KDM5A: variants seen among roughly 807,000 people sequenced by gnomAD.
KDM5A encodes the protein lysine demethylase 5A.
KDM5A carries 42 observed loss-of-function variants against 193.5 expected under a neutral mutation model. That is an observed-to-expected ratio of 0.22 (90% CI 0.17 to 0.28). The LOEUF is 0.28. KDM5A is among the 10% of genes least tolerant of loss of function. KDM5A has a pLI of 1.00. For synonymous variants in KDM5A, 796 were observed against 718.1 expected (o/e 1.11, Z -1.73); for missense variants, 1,692 against 2,055.1 (o/e 0.82, Z 3.42).
intron 2 of KDM5A, 100 bp downstream of exon 2, chr12:385,797 C>G: frequency 1.1e-6 from 1 of 885,310 alleles, no homozygotes; most frequent in South Asian, 1.3e-5. Flanking sequence ...CCAATTAACA[C>G]AAACTCTAGG....
chr12:322,192 T>C (rs1429909186), intron 17 of KDM5A: 3 of 554,408 alleles, frequency 5.4e-6, no homozygotes, highest in East Asian at 3.0e-5. Context: ...TAAGCAAAAA[T>C]GTGCCTGCTA....
intron 10 of KDM5A, among the ~76,000 whole-genome samples, chr12:342,113 A>C (rs946844317): frequency 1.3e-5 from 2 of 152,236 alleles, no homozygotes; most frequent in Non-Finnish European, 2.9e-5. Context: ...AGACACAAAC[A>C]GCTTCAAAAT....
chr12:362,749 C>T (rs1043916699), intron 5 of KDM5A, among the ~76,000 whole-genome samples: 6 of 152,150 alleles, frequency 3.9e-5, no homozygotes, highest in Non-Finnish European at 8.8e-5. Context: ...TGAGTGGCCT[C>T]CCGTGACCAG....
chr12:372,305 G>A (rs1944438961), intron 3 of KDM5A, among the ~76,000 whole-genome samples: 1 of 152,094 alleles, frequency 6.6e-6, no homozygotes, highest in Non-Finnish European at 1.5e-5. Context: ...TCCTTGAAGA[G>A]GTCCTTCACA....
rs1347068621 is a variant in KDM5A, at chr12:285,218, A to G, written c.*238T>C. ...GGCCTTAATGCAGTAAACCACACTC[A>G]AAGGAGACATGAAATATTGGCTGTT... On this transcript the variant is annotated 3_prime_UTR_variant, in exon 28 of 28. Transcript: ENST00000399788. 7.0e-6 allele frequency: 4 copies of G among 574,186 alleles called. No individual in the cohort carries two copies. In the African/African-American group the frequency reaches 7.9e-5, roughly 11 times the overall value. 35.6% of individuals were successfully genotyped at this position (574,186 alleles called of 1,614,324 possible).
At position 280,958 on chromosome 12, in the gene KDM5A, G is replaced by A. The variant is rs1943149059; in HGVS notation, c.*4498C>T. 1 of 232,886 alleles carries A rather than the reference G, an allele frequency of 4.3e-6. No homozygotes were observed. The highest frequency in any genetic ancestry group is 2.2e-5 in the African/African-American group (1 of 45,308). The allele number at this position is 232,886 out of a possible 1,614,324, so 14.4% of individuals were successfully genotyped here. A position where few individuals can be genotyped will look rare whatever the true frequency, so the allele number is the denominator to read the frequency against. On this transcript the variant is annotated 3_prime_UTR_variant, in exon 28 of 28. Coordinates refer to ENST00000399788, the MANE Select transcript of KDM5A (RefSeq NM_001042603.3). The stretch of plus-strand genomic sequence containing the variant: ...GAAACTGCTTTGGCACAGGTCAAAG[G>A]TGGCTCCCATATACTCACTAGTTTT...
Position 293,788 on chromosome 12 carries a change from A to AAG in KDM5A, c.4456-620_4456-619insCT, listed in dbSNP as rs1555126245. ...AGCAAGACTCCATCTCAAAAAAAAA[A>AAG]GGGGGGGGGGGGGATTTATGTTATT... On this transcript the variant is annotated intron_variant, in intron 26 of 27. Transcript: ENST00000399788. 1.2e-3 allele frequency among the ~76,000 whole-genome samples: 103 copies of AAG among 82,882 alleles called. 3 individuals carry two copies. The highest frequency in any genetic ancestry group is 3.0e-3 in the African/African-American group (68 of 22,580). The allele number at this position is 82,882 out of a possible 152,430, so 54.4% of individuals were successfully genotyped here. A position where few individuals can be genotyped will look rare whatever the true frequency, so the allele number is the denominator to read the frequency against.
chr12:299,379 T>C (rs1001093576), intron 24 of KDM5A, among the ~76,000 whole-genome samples: 1 of 151,756 alleles, frequency 6.6e-6, no homozygotes, highest in Non-Finnish European at 1.5e-5. Flanking sequence ...CAAAAGAGAG[T>C]GGGGGCCAAT....
At chr12:326,595 CTCACGCCTGTAATCCCAGCA>C (rs1943787915) in intron 14 of KDM5A, among the ~76,000 whole-genome samples, 1 of 152,204 alleles carries the variant, frequency 6.6e-6, no homozygotes, top group Non-Finnish European at 1.5e-5. Context: ...GGCACGGCGG[CTCACGCCTGTAATCCCAGCA>C]CTTTGGGAGG....
chr12:367,419 G>A (rs764875184), intron 3 of KDM5A, among the ~76,000 whole-genome samples: 1 of 152,040 alleles, frequency 6.6e-6, no homozygotes, highest in Non-Finnish European at 1.5e-5. Context: ...TGGGCAGGTT[G>A]GGCAGGGTGG....
chr12:353,776 G>A (rs1944192827), intron 8 of KDM5A, among the ~76,000 whole-genome samples: 1 of 152,116 alleles, frequency 6.6e-6, no homozygotes, highest in Non-Finnish European at 1.5e-5. Flanking sequence ...ACAAAAATTA[G>A]CTGGGCGTGG....
In KDM5A at chr12:321,025, CG is replaced by C. The variant is rs1565532994; in HGVS notation, c.2510del (p.Pro837ArgfsTer10). On this transcript the variant is annotated frameshift_variant, in exon 18 of 28. Transcript: ENST00000399788. LOFTEE classifies it high-confidence loss of function. ...KAFVQQLFSL[P>X]CVISQARQVK... is the part of the protein sequence containing the mutation. ...CTTGCCGAGCTTGGCTGATGACACA[CG>C]GAAGACTAAAAAGTTGTTGGACAAA... The C allele has an allele frequency of 6.2e-7, 1 of 1,614,012 alleles. No individual in the cohort carries two copies. The highest frequency in any genetic ancestry group is 8.5e-7 in the Non-Finnish European group (1 of 1,179,884).
chr12:384,718 G>T (rs570764422), intron 2 of KDM5A, among the ~76,000 whole-genome samples: 1 of 152,240 alleles, frequency 6.6e-6, no homozygotes, highest in Admixed American at 6.5e-5. Flanking sequence ...AACAATTTTT[G>T]TAAGTTGGTT....
intron 10 of KDM5A, among the ~76,000 whole-genome samples, chr12:334,664 A>G (rs919976734): frequency 1.3e-5 from 2 of 152,068 alleles, no homozygotes; most frequent in Non-Finnish European, 2.9e-5. Flanking sequence ...TCCAAAGCAC[A>G]TGAGCAATTC....
intron 24 of KDM5A, among the ~76,000 whole-genome samples, chr12:303,619 G>A (rs771623709): frequency 1.1e-4 from 17 of 151,630 alleles, no homozygotes; most frequent in Non-Finnish European, 2.4e-4. Context: ...AAACCTGTAC[G>A]TTCTGCACAT....
chr12:281,838 G>A lies in KDM5A; in HGVS notation c.*3618C>T, dbSNP rs1164625916. ...ACATGTACTACAGAATTAAAATACT[G>A]ACAAGCAAGTAGTTTCTTGGCGTGC... On this transcript the variant is annotated 3_prime_UTR_variant, in exon 28 of 28. Coordinates refer to ENST00000399788, the MANE Select transcript of KDM5A (RefSeq NM_001042603.3). 3.8e-6 allele frequency: 1 copy of A among 264,590 alleles called. No individual in the cohort carries two copies. The highest frequency in any genetic ancestry group is 7.4e-6 in the Non-Finnish European group (1 of 134,584). The allele number at this position is 264,590 out of a possible 1,614,324, so 16.4% of individuals were successfully genotyped here.
At chr12:311,850 A>G in intron 20 of KDM5A, among the ~76,000 whole-genome samples, 1 of 152,192 alleles carries the variant, frequency 6.6e-6, no homozygotes, top group Non-Finnish European at 1.5e-5. Context: ...CCTGGCCAAC[A>G]TGGTGAAACT....
At chr12:339,038 C>T (rs372621365) in intron 10 of KDM5A, among the ~76,000 whole-genome samples, 1 of 151,896 alleles carries the variant, frequency 6.6e-6, no homozygotes, top group African/African-American at 2.4e-5. Context: ...AGTAGCCGGG[C>T]GTGGTGGTGC....
intron 3 of KDM5A, among the ~76,000 whole-genome samples, chr12:378,112 T>C (rs1944529754): frequency 6.6e-6 from 1 of 152,108 alleles, no homozygotes; most frequent in Non-Finnish European, 1.5e-5. Context: ...AATCAGTATA[T>C]GATATTTAAA....
Sources: gnomAD v4.1 joint callset for allele counts (sites outside exome capture counted in the v4.1 genomes callset) on GRCh38, gnomAD v4.1.1 for gene constraint, MANE v1.5 for transcripts, NCBI Gene and HGNC (gene_info 2026-07-23, HGNC 2026-07-21) for gene names.